Variants in SUGCT observed in about 807,000 individuals in gnomAD.
SUGCT encodes the protein succinyl-CoA:glutarate CoA-transferase.
In SUGCT, 41 loss-of-function variants were observed where a neutral mutation model predicts 55.0. The observed-to-expected ratio is 0.74, with a 90% CI of 0.58 to 0.97. The LOEUF (loss-of-function observed/expected upper bound fraction) is 0.97, where lower values mean the gene tolerates loss of function less well. Among genes scored for constraint, SUGCT ranks in the 50% least tolerant of loss-of-function variants. The pLI is 0.00. For missense variants in SUGCT, 568 were observed against 547.8 expected (o/e 1.04, Z -0.37); for synonymous variants, 187 against 200.4 (o/e 0.93, Z 0.56).
chr7:40,647,842 A>G (rs1301115710), intron 12 of SUGCT, among the ~76,000 whole-genome samples: 1 of 151,776 alleles, frequency 6.6e-6, no homozygotes, highest in East Asian at 1.9e-4. Flanking sequence ...AAAAAGTTAG[A>G]CCACTTGCCC....
chr7:40,246,227 TTAAG>T (rs538983301), intron 7 of SUGCT, among the ~76,000 whole-genome samples: 58 of 151,480 alleles, frequency 3.8e-4, no homozygotes, highest in African/African-American at 1.3e-3. Context: ...CTTAACTTCT[TTAAG>T]TAGAACCATA....
chr7:40,402,023 T>G (rs1786097956), intron 9 of SUGCT, among the ~76,000 whole-genome samples: 1 of 152,208 alleles, frequency 6.6e-6, no homozygotes, highest in East Asian at 1.9e-4. Context: ...TAAAACACAT[T>G]TATTAAACAC....
intron 6 of SUGCT, among the ~76,000 whole-genome samples, chr7:40,225,420 T>G (rs75270707): frequency 0.038 from 5,695 of 151,690 alleles, 344 homozygotes; most frequent in African/African-American, 0.13. Flanking sequence ...ATTTTTGGTC[T>G]TTGAATAATA....
chr7:40,317,267 T>C (rs1795493451), intron 9 of SUGCT, among the ~76,000 whole-genome samples: 1 of 152,082 alleles, frequency 6.6e-6, no homozygotes, highest in Non-Finnish European at 1.5e-5. Flanking sequence ...TGAAGTAAAA[T>C]GAAAATTTGC....
At chr7:40,754,484 CTATT>C (rs1163384131) in intron 13 of SUGCT, among the ~76,000 whole-genome samples, 2 of 152,196 alleles carry the variant, frequency 1.3e-5, no homozygotes, top group African/African-American at 4.8e-5. Context: ...GTCTGGTACA[CTATT>C]TAAGCTCTGG....
chr7:40,480,730 T>C (rs1179404513), intron 11 of SUGCT, among the ~76,000 whole-genome samples: 1 of 152,132 alleles, frequency 6.6e-6, no homozygotes, highest in African/African-American at 2.4e-5. Flanking sequence ...AATTTTCTGG[T>C]TGATTTTTTT....
At chr7:40,980,147 G>T in the SUGCT span, among the ~76,000 whole-genome samples, 2 of 152,096 alleles carry the variant, frequency 1.3e-5, no homozygotes, top group African/African-American at 4.8e-5. Flanking sequence ...CAGCAAGAGA[G>T]AGCAAGAGAG....
At chr7:40,769,736 T>C (rs77173968) in intron 13 of SUGCT, among the ~76,000 whole-genome samples, 4 of 152,188 alleles carry the variant, frequency 2.6e-5, no homozygotes, top group African/African-American at 9.6e-5. Context: ...CAGAAACAAA[T>C]GCACGTTGTT....
At chr7:40,776,429 A>G (rs142648228) in intron 13 of SUGCT, among the ~76,000 whole-genome samples, 4 of 152,244 alleles carry the variant, frequency 2.6e-5, no homozygotes, top group African/African-American at 9.6e-5. Flanking sequence ...ATTTGTATTC[A>G]TTTTAATGGT....
chr7:40,763,630 G>A (rs1057482860), intron 13 of SUGCT, among the ~76,000 whole-genome samples: 17 of 152,132 alleles, frequency 1.1e-4, no homozygotes, highest in African/African-American at 1.4e-4. Flanking sequence ...CTTGCCCAAG[G>A]TTGCACAGAG....
At chr7:40,528,646 T>G (rs1793927939) in intron 12 of SUGCT, among the ~76,000 whole-genome samples, 1 of 152,212 alleles carries the variant, frequency 6.6e-6, no homozygotes, top group South Asian at 2.1e-4. Flanking sequence ...AAATATAATT[T>G]TATGAAAATC....
At chr7:40,395,006 C>A (rs1450403172) in intron 9 of SUGCT, among the ~76,000 whole-genome samples, 2 of 152,202 alleles carry the variant, frequency 1.3e-5, no homozygotes, top group African/African-American at 4.8e-5. Context: ...AATTTGAATT[C>A]CTTATAATTT....
chr7:40,458,361 C>T (rs767974597), intron 10 of SUGCT, among the ~76,000 whole-genome samples: 4 of 152,154 alleles, frequency 2.6e-5, no homozygotes, highest in African/African-American at 7.2e-5. Context: ...GTCTTGTTAA[C>T]GTTGAATGTT....
the SUGCT span, among the ~76,000 whole-genome samples, chr7:41,020,524 A>C: frequency 4.6e-5 from 7 of 152,366 alleles, no homozygotes; most frequent in African/African-American, 1.7e-4. Context: ...TGACTGATGT[A>C]ATAGAGAATA....
intron 1 of SUGCT, among the ~76,000 whole-genome samples, chr7:40,139,097 C>G (rs1787841954): frequency 6.6e-6 from 1 of 151,152 alleles, no homozygotes; most frequent in African/African-American, 2.4e-5. Context: ...TGTACTCCAG[C>G]CTGGGCGACA....
chr7:40,422,961 T>G (rs886341173), intron 9 of SUGCT, among the ~76,000 whole-genome samples: 1 of 152,176 alleles, frequency 6.6e-6, no homozygotes. Flanking sequence ...AAAAACTAAT[T>G]TAAGTGCTAC....
In SUGCT at chr7:40,628,710, GGTGTGTGTGTTTTGTTCTGTGTGTGTGT is replaced by G. The variant is rs1252490330; in HGVS notation, c.1090-120713_1090-120686del. ...CGCTTTAGAATTTACTCAGTTTTTGGGTGTGTGTGTTTTGTTCTGTGTGTGTGTGTGTGTGTGTGTGTGTGTTTTAGAT... is the reference window on the plus strand; with the variant it reads ...CGCTTTAGAATTTACTCAGTTTTTGGGTGTGTGTGTGTGTGTGTTTTAGAT... On this transcript the variant is annotated intron_variant, in intron 12 of 13. Coordinates refer to ENST00000335693, the MANE Select transcript of SUGCT (RefSeq NM_001193313.2). Among the ~76,000 whole-genome samples the G allele has an allele frequency of 2.2e-3, 324 of 149,708 alleles. 2 individuals carry two copies. The highest frequency in any genetic ancestry group is 7.3e-3 in the African/African-American group (293 of 40,122).
intron 13 of SUGCT, among the ~76,000 whole-genome samples, chr7:40,770,589 T>C (rs1375617335): frequency 6.6e-6 from 1 of 152,154 alleles, no homozygotes; most frequent in East Asian, 1.9e-4. Flanking sequence ...TACTCACATA[T>C]ATTAACAAGT....
the SUGCT span, among the ~76,000 whole-genome samples, chr7:40,924,794 G>A: frequency 6.6e-6 from 1 of 152,184 alleles, no homozygotes; most frequent in African/African-American, 2.4e-5. Flanking sequence ...AGAAAACATA[G>A]GCAGTGCTTG....
Sources: gnomAD v4.1 joint callset for allele counts (sites outside exome capture counted in the v4.1 genomes callset) on GRCh38, gnomAD v4.1.1 for gene constraint, MANE v1.5 for transcripts, NCBI Gene and HGNC (gene_info 2026-07-23, HGNC 2026-07-21) for gene names.